EEFSEC: variants seen among roughly 807,000 people sequenced by gnomAD.
EEFSEC encodes the protein eukaryotic elongation factor, selenocysteine-tRNA specific, also known as selenocysteine-specific elongation factor.
In EEFSEC, 43 loss-of-function variants were observed where a neutral mutation model predicts 42.1. The observed-to-expected ratio is 1.02, with a 90% confidence interval of 0.80 to 1.32. The LOEUF (loss-of-function observed/expected upper bound fraction) is 1.32, where lower values mean the gene tolerates loss of function less well. Among genes scored for constraint, EEFSEC ranks in the 40% most tolerant of loss-of-function variants. The pLI, the probability that EEFSEC is intolerant of heterozygous loss-of-function variation, is 0.00. For synonymous variants in EEFSEC, 354 were observed against 339.1 expected (o/e 1.04, Z -0.48); for missense variants, 745 against 803.6 (o/e 0.93, Z 0.88).
At chr3:128,275,980 G>C (rs1031709640) in intron 4 of EEFSEC, among the ~76,000 whole-genome samples, 4 of 152,192 alleles carry the variant, frequency 2.6e-5, no homozygotes, top group African/African-American at 9.7e-5. Flanking sequence ...GGGGCCCACA[G>C]GGTCTCGAGG....
At chr3:128,278,756 T>A (rs2066493855) in intron 4 of EEFSEC, among the ~76,000 whole-genome samples, 1 of 152,216 alleles carries the variant, frequency 6.6e-6, no homozygotes, top group Non-Finnish European at 1.5e-5. Context: ...TCTGAGTGGC[T>A]CCAGCTTTGG....
In EEFSEC at chr3:128,373,261, T is replaced by C. The variant is rs115816142; in HGVS notation, c.1600+14888T>C. The stretch of plus-strand genomic sequence containing the variant: ...CAGTGGAGTGTGGAGTTCCGTGCAA[T>C]GTGGAGCCAGGCAGGCAGGGACGAG... On this transcript the variant is annotated intron_variant, in intron 6 of 6. Coordinates refer to ENST00000254730, the MANE Select transcript of EEFSEC (RefSeq NM_021937.5). Among the ~76,000 whole-genome samples the C allele has an allele frequency of 2.0e-3, 312 of 152,326 alleles. 2 individuals are homozygous for C. The highest frequency in any genetic ancestry group is 6.8e-3 in the African/African-American group (283 of 41,584).
At chr3:128,201,395 AAG>A (rs1259344334) in intron 1 of EEFSEC, among the ~76,000 whole-genome samples, 1 of 152,126 alleles carries the variant, frequency 6.6e-6, no homozygotes, top group East Asian at 1.9e-4. Context: ...AAAAAAAAAA[AAG>A]AATCTCATAG....
At chr3:128,195,970 G>T (rs1004643993) in intron 1 of EEFSEC, among the ~76,000 whole-genome samples, 1 of 152,224 alleles carries the variant, frequency 6.6e-6, no homozygotes, top group African/African-American at 2.4e-5. Context: ...TTGGGCAATG[G>T]CATGACCCTG....
chr3:128,351,403 G>C (rs1488861685), intron 5 of EEFSEC, among the ~76,000 whole-genome samples: 1 of 152,114 alleles, frequency 6.6e-6, no homozygotes, highest in African/African-American at 2.4e-5. Flanking sequence ...CTTTTTCAAG[G>C]AGGAAACTGA....
chr3:128,408,664 G>C (rs2068151494), downstream of EEFSEC: 1 of 167,530 alleles, frequency 6.0e-6, no homozygotes, highest in Admixed American at 6.4e-5. Flanking sequence ...CTCTCTCTCT[G>C]TGACTTCACT....
At position 128,405,071 on chromosome 3, in the gene EEFSEC, C is replaced by T. The variant is rs1347785821; in HGVS notation, c.1601-2998C>T. 4.0e-5 allele frequency among the ~76,000 whole-genome samples: 6 copies of T among 150,708 alleles called. No individual in the cohort carries two copies. In the East Asian group the frequency reaches 1.2e-3, roughly 29 times the overall value. ...TCGCTCTGTTGCCCAGGCTGGAGTG[C>T]AGTAGCGCAATCTCGGCTCACTGCA... On this transcript the variant is annotated intron_variant, in intron 6 of 6. Coordinates refer to ENST00000254730, the MANE Select transcript of EEFSEC (RefSeq NM_021937.5).
intron 4 of EEFSEC, among the ~76,000 whole-genome samples, chr3:128,314,179 T>A (rs966647127): frequency 2.0e-5 from 3 of 152,222 alleles, no homozygotes; most frequent in African/African-American, 7.2e-5. Context: ...AACAGCTGTG[T>A]GTATCCTGTC....
intron 6 of EEFSEC, among the ~76,000 whole-genome samples, chr3:128,377,257 CTT>C (rs60299968): frequency 6.7e-6 from 1 of 150,200 alleles, no homozygotes; most frequent in African/African-American, 2.4e-5. Context: ...ATTATACAAA[CTT>C]TTTTTTTTCT....
the EEFSEC span, among the ~76,000 whole-genome samples, chr3:128,420,428 C>T: frequency 6.6e-6 from 1 of 152,228 alleles, no homozygotes. Flanking sequence ...AGGGCCTGAG[C>T]CCACAGCCTC....
intron 4 of EEFSEC, among the ~76,000 whole-genome samples, chr3:128,316,432 T>C (rs2066945632): frequency 6.6e-6 from 1 of 152,164 alleles, no homozygotes. Context: ...CCTACCGCTC[T>C]CCCCCTCTCT....
intron 2 of EEFSEC, among the ~76,000 whole-genome samples, chr3:128,254,474 C>T (rs1026556113): frequency 1.3e-5 from 2 of 152,114 alleles, no homozygotes; most frequent in African/African-American, 4.8e-5. Flanking sequence ...CATGCCATCT[C>T]ATGTTGGACA....
intron 4 of EEFSEC, among the ~76,000 whole-genome samples, chr3:128,291,932 G>A (rs762593438): frequency 5.9e-5 from 9 of 152,108 alleles, no homozygotes; most frequent in Non-Finnish European, 1.2e-4. Context: ...TGTGCATATC[G>A]TTTATCAGAT....
chr3:128,201,680 A>G (rs1394163327), intron 1 of EEFSEC, among the ~76,000 whole-genome samples: 1 of 152,084 alleles, frequency 6.6e-6, no homozygotes, highest in Non-Finnish European at 1.5e-5. Flanking sequence ...TGTTTTCTTA[A>G]TGGTGTCTTT....
At chr3:128,376,954 A>G (rs2067716686) in intron 6 of EEFSEC, among the ~76,000 whole-genome samples, 1 of 152,208 alleles carries the variant, frequency 6.6e-6, no homozygotes, top group Admixed American at 6.5e-5. Context: ...CTTCGTGCCC[A>G]GCAGCGGCAC....
intron 4 of EEFSEC, among the ~76,000 whole-genome samples, chr3:128,305,985 T>C (rs967395057): frequency 3.9e-5 from 6 of 152,214 alleles, no homozygotes; most frequent in Admixed American, 6.5e-5. Flanking sequence ...CTAGATATCC[T>C]GCAACTTCTC....
At chr3:128,337,622 C>T (rs1363433598) in intron 4 of EEFSEC, among the ~76,000 whole-genome samples, 1 of 152,236 alleles carries the variant, frequency 6.6e-6, no homozygotes, top group Non-Finnish European at 1.5e-5. Flanking sequence ...TGCAGTCACT[C>T]TCTTCAGAGC....
chr3:128,321,395 G>T (rs79578332), intron 4 of EEFSEC, among the ~76,000 whole-genome samples: 1 of 152,166 alleles, frequency 6.6e-6, no homozygotes, highest in Non-Finnish European at 1.5e-5. Flanking sequence ...CCCTCAGGGG[G>T]CAGCCACAGT....
rs34885945 is a variant in EEFSEC, at chr3:128,211,848, C to CTTTTT, written c.317-34963_317-34959dup. ...CATATACTTCTTTTCTTTTTCTTTT[C>CTTTTT]TTTTTTTTTTTTTTTTTTTTTTTTT... On this transcript the variant is annotated intron_variant, in intron 1 of 6. Transcript: ENST00000254730. Among the ~76,000 whole-genome samples the CTTTTT allele has an allele frequency of 6.7e-3, 349 of 51,732 alleles. 2 individuals are homozygous for CTTTTT. Among genetic ancestry groups the CTTTTT allele is most frequent in the African/African-American group, 7.6e-3 (93 of 12,252 alleles). 33.9% of individuals were successfully genotyped at this position (51,732 alleles called of 152,430 possible). A position where few individuals can be genotyped will look rare whatever the true frequency, so the allele number is the denominator to read the frequency against.
Sources: allele counts gnomAD v4.1 joint callset (sites outside exome capture counted in the v4.1 genomes callset), GRCh38; gene constraint gnomAD v4.1.1; transcripts MANE v1.5; gene names NCBI Gene and HGNC (gene_info 2026-07-23, HGNC 2026-07-21).